NQO2: variants seen among roughly 807,000 people sequenced by gnomAD.
The protein encoded by NQO2 is N-ribosyldihydronicotinamide:quinone dehydrogenase 2, also known as ribosyldihydronicotinamide dehydrogenase [quinone].
A neutral mutation model predicts 22.0 loss-of-function variants in NQO2; 18 were observed. That is an observed-to-expected ratio of 0.82 (90% CI 0.56 to 1.21). NQO2 has a LOEUF of 1.21. NQO2 is among the 50% of genes most tolerant of loss of function. The probability of loss-of-function intolerance (pLI) is 0.00; values close to 1 mark genes in which losing one functional copy is unlikely to be tolerated. For synonymous variants in NQO2, 106 were observed against 110.8 expected (o/e 0.96, Z 0.28); for missense variants, 267 against 286.9 (o/e 0.93, Z 0.50).
In NQO2 at chr6:3,006,773, C is replaced by A; in HGVS notation, c.7+214C>A. 1 of 503,658 alleles carries A rather than the reference C, an allele frequency of 2.0e-6. No homozygotes were observed. Among genetic ancestry groups the A allele is most frequent in the Non-Finnish European group, 3.5e-6 (1 of 289,854 alleles). 31.2% of individuals were successfully genotyped at this position (503,658 alleles called of 1,614,324 possible). ...AAACTATCTGGAATTATCTTGTTTTCTATGTTCTCACTTGTTTCATTGTTC... is the reference window on the plus strand; with the variant it reads ...AAACTATCTGGAATTATCTTGTTTTATATGTTCTCACTTGTTTCATTGTTC... On this transcript the variant is annotated intron_variant, in intron 2 of 6. Transcript: ENST00000380455. This position sits in a 1 kb window ranked among gnomAD's most constrained non-coding sequence, Gnocchi z 4.0.
intron 2 of NQO2, among the ~76,000 whole-genome samples, chr6:3,007,790 G>A (rs1236329781): frequency 6.6e-6 from 1 of 152,182 alleles, no homozygotes. Context: ...TGAGACCAGC[G>A]GGTCTGATTC....
chr6:3,010,599 A>C (rs1400040735), intron 3 of NQO2, among the ~76,000 whole-genome samples: 1 of 152,146 alleles, frequency 6.6e-6, no homozygotes, highest in African/African-American at 2.4e-5. Flanking sequence ...TCCTGCCTCA[A>C]CCCACAGGAA....
intron 1 of NQO2, among the ~76,000 whole-genome samples, chr6:3,001,497 AT>A (rs199928360): frequency 0.018 from 2,814 of 152,286 alleles, 43 homozygotes; most frequent in South Asian, 0.062. Context: ...ATTAAATAAT[AT>A]ATACTTCTAG....
chr6:3,002,176 A>T (rs1581316278), intron 1 of NQO2: 2 of 984,828 alleles, frequency 2.0e-6, no homozygotes, highest in South Asian at 9.4e-5. Flanking sequence ...CCCTGTCTAG[A>T]GGAGTGAAAA....
In NQO2 at chr6:3,006,579, G is replaced by A; in HGVS notation, c.7+20G>A. On this transcript the variant is annotated intron_variant, in intron 2 of 6. Transcript: ENST00000380455. This position sits in a 1 kb window ranked among gnomAD's most constrained non-coding sequence, Gnocchi z 4.0. ...TGGCAGGTAATGATTCACTATTGTG[G>A]AGTAAGACTTTTTTTTTTTTGAGAT... The A allele has an allele frequency of 1.3e-6, 2 of 1,582,756 alleles. No homozygotes were observed. Among genetic ancestry groups the A allele is most frequent in the Non-Finnish European group, 1.7e-6 (2 of 1,167,108 alleles).
intron 4 of NQO2, among the ~76,000 whole-genome samples, 190 bp downstream of exon 4, chr6:3,012,864 C>T (rs1361965389): frequency 6.6e-6 from 1 of 150,554 alleles, no homozygotes; most frequent in Non-Finnish European, 1.5e-5. Context: ...CACCACTTCA[C>T]CTAGTTACAA....
At chr6:3,017,444 C>T (rs1166913406) in intron 6 of NQO2, among the ~76,000 whole-genome samples, 2 of 152,164 alleles carry the variant, frequency 1.3e-5, no homozygotes, top group East Asian at 1.9e-4. Context: ...TTCTGATGGC[C>T]GCATGCTGGT....
rs28383635 is a variant in NQO2, at chr6:3,015,202, G to A, written c.304-328G>A. 1.1e-3 allele frequency: 1,492 copies of A among 1,351,644 alleles called. 17 individuals carry two copies. In the African/African-American group the frequency reaches 0.02, roughly 18 times the overall value. The allele number at this position is 1,351,644 out of a possible 1,614,324, so 83.7% of individuals were successfully genotyped here. A position where few individuals can be genotyped will look rare whatever the true frequency, so the allele number is the denominator to read the frequency against. On this transcript the variant is annotated intron_variant, in intron 4 of 6. Transcript: ENST00000380455. Reference sequence around the variant, plus strand: ...CATGCTTTTCCATACTCTTCCTTTTGACTGGCTTGATCACAGACTGCTGCT... The same window carrying A: ...CATGCTTTTCCATACTCTTCCTTTTAACTGGCTTGATCACAGACTGCTGCT...
intron 5 of NQO2, 174 bp from the exon 6 acceptor site, chr6:3,016,710 T>C (rs1173698883): frequency 1.0e-6 from 1 of 975,132 alleles, no homozygotes; most frequent in African/African-American, 1.8e-5. Context: ...TGTCTCCTCC[T>C]CCTCTTGGGA....
intron 4 of NQO2, among the ~76,000 whole-genome samples, chr6:3,013,769 C>T (rs2113456311): frequency 6.6e-6 from 1 of 152,316 alleles, no homozygotes; most frequent in East Asian, 1.9e-4. Flanking sequence ...AGAGTACGCA[C>T]ATGAGCTTTG....
At chr6:3,008,815 C>T (rs373948766) in intron 2 of NQO2, among the ~76,000 whole-genome samples, 32 of 152,158 alleles carry the variant, frequency 2.1e-4, no homozygotes, top group African/African-American at 2.2e-4. Flanking sequence ...GCCCCCAAGC[C>T]GTAAAACCAG....
At chr6:3,003,117 C>T (rs1338616522) in intron 1 of NQO2, among the ~76,000 whole-genome samples, 2 of 152,234 alleles carry the variant, frequency 1.3e-5, no homozygotes, top group East Asian at 3.8e-4. Flanking sequence ...CAGTGACTGT[C>T]CACCAGGGCA....
At position 3,004,723 on chromosome 6, in the gene NQO2, C is replaced by T. The variant is rs566347945; in HGVS notation, c.-85-1745C>T. 57 of 859,842 alleles carry T rather than the reference C, an allele frequency of 6.6e-5. 1 individual carries two copies. In the South Asian group the frequency reaches 2.4e-3, roughly 36 times the overall value. The allele number at this position is 859,842 out of a possible 1,614,324, so 53.3% of individuals were successfully genotyped here. On this transcript the variant is annotated intron_variant, in intron 1 of 6. Transcript: ENST00000380455. ...CTGTAAAGACACACTGATAGGTTCA[C>T]GTTGTCGTTTGGACACAACATGCGC...
At chr6:3,008,929 T>C (rs1349229014) in intron 2 of NQO2, among the ~76,000 whole-genome samples, 2 of 152,000 alleles carry the variant, frequency 1.3e-5, no homozygotes, top group Admixed American at 6.6e-5. Flanking sequence ...ACAAAGCAAA[T>C]GGAGGCAGGG....
intron 5 of NQO2, among the ~76,000 whole-genome samples, chr6:3,016,244 G>A (rs539333917): frequency 3.3e-5 from 5 of 151,850 alleles, no homozygotes; most frequent in South Asian, 2.1e-4. Context: ...CAGCCTGGCC[G>A]ACATGGTGAA....
At position 3,019,731 on chromosome 6, in the gene NQO2, A is replaced by G. The variant is rs1757480485; in HGVS notation, c.*76A>G. ...CAGGCAAAGAGAAGATGGTGCTGTC[A>G]TGAAATAAAATTACAACATAGCTAC... On this transcript the variant is annotated 3_prime_UTR_variant, in exon 7 of 7. Coordinates refer to ENST00000380455, the MANE Select transcript of NQO2 (RefSeq NM_000904.6). 1.6e-6 allele frequency: 2 copies of G among 1,278,746 alleles called. No individual in the cohort carries two copies. The highest frequency in any genetic ancestry group is 2.1e-6 in the Non-Finnish European group (2 of 946,720). The allele number at this position is 1,278,746 out of a possible 1,614,324, so 79.2% of individuals were successfully genotyped here.
intron 2 of NQO2, among the ~76,000 whole-genome samples, chr6:3,009,365 G>A (rs57029282): frequency 0.037 from 5,672 of 152,278 alleles, 120 homozygotes; most frequent in African/African-American, 0.055. Context: ...CTGTTATCCT[G>A]TTCTTTTTTC....
intron 1 of NQO2, chr6:3,004,299 T>C (rs2756075): frequency 0.65 from 635,725 of 979,026 alleles, 207,330 homozygotes; most frequent in African/African-American, 0.78. Flanking sequence ...ATTCAGTCAC[T>C]AAAGATGCAG....
chr6:3,006,479 C>T lies in NQO2; in HGVS notation c.-74C>T, dbSNP rs761307056. On this transcript the variant is annotated 5_prime_UTR_variant, in exon 2 of 7. Coordinates refer to ENST00000380455, the MANE Select transcript of NQO2 (RefSeq NM_000904.6). The surrounding 1 kb of genome is among the most constrained non-coding windows in gnomAD (Gnocchi z 4.0). Reference sequence around the variant, plus strand: ...GTTTTGTCTTCCAGATTGCTGGACTCGCTGAAGAGAGACTACGCAGGAAAG... The same window carrying T: ...GTTTTGTCTTCCAGATTGCTGGACTTGCTGAAGAGAGACTACGCAGGAAAG... 8 of 1,610,322 alleles carry T rather than the reference C, an allele frequency of 5.0e-6. No individual in the cohort carries two copies. The highest frequency in any genetic ancestry group is 2.2e-5 in the East Asian group (1 of 44,672).
Sources: allele counts gnomAD v4.1 joint callset (sites outside exome capture counted in the v4.1 genomes callset), GRCh38; gene constraint gnomAD v4.1.1; non-coding constraint Gnocchi (gnomAD v3.1); transcripts MANE v1.5; gene names NCBI Gene and HGNC (gene_info 2026-07-23, HGNC 2026-07-21).